The following FTO variants were observed in gnomAD, a reference collection of about 807,000 sequenced individuals.
The protein encoded by FTO is FTO alpha-ketoglutarate dependent dioxygenase, also known as alpha-ketoglutarate-dependent dioxygenase FTO.
In FTO, 47 loss-of-function variants were observed where a neutral mutation model predicts 63.9. The observed-to-expected ratio is 0.74, with a 90% confidence interval of 0.58 to 0.94. FTO has a LOEUF of 0.94. Ranked by LOEUF, FTO falls within the 40% of genes least tolerant of loss-of-function variation. The pLI is 0.00. For missense variants in FTO, 562 were observed against 618.1 expected, an observed-to-expected ratio of 0.91 and a Z score of 0.96; for synonymous variants, 207 against 224.4, an observed-to-expected ratio of 0.92 and a Z score of 0.69.
rs1285214588 is a variant in FTO at position 54,112,015 on chromosome 16, C to A, written c.*100C>A. 1.5e-6 allele frequency: 2 copies of A among 1,341,366 alleles called. No homozygotes were observed. Among genetic ancestry groups the A allele is most frequent in the Admixed American group, 1.7e-5 (1 of 59,242 alleles). 83.1% of individuals were successfully genotyped at this position (1,341,366 alleles called of 1,614,324 possible). A position where few individuals can be genotyped will look rare whatever the true frequency, so the allele number is the denominator to read the frequency against. On this transcript the variant is annotated 3_prime_UTR_variant, in exon 9 of 9. Transcript: ENST00000471389. ...AGAGCAGTGGAGACTTCTCTTGGCCCCTAGATTGTAGCACCCGGGTCCCAA... is the reference window on the plus strand; with the variant it reads ...AGAGCAGTGGAGACTTCTCTTGGCCACTAGATTGTAGCACCCGGGTCCCAA...
At chr16:54,103,997 T>A (rs2086693365) in intron 8 of FTO, among the ~76,000 whole-genome samples, 1 of 152,142 alleles carries the variant, frequency 6.6e-6, no homozygotes, top group African/African-American at 2.4e-5. Context: ...GGAAATCCCT[T>A]CAATTTGTAC....
At chr16:53,719,070 T>C (rs946493275) in intron 1 of FTO, among the ~76,000 whole-genome samples, 59 of 152,136 alleles carry the variant, frequency 3.9e-4, no homozygotes, top group African/African-American at 1.3e-3. Flanking sequence ...TGAATAAAAA[T>C]ATTGAGAAAC....
At chr16:53,915,534 C>T (rs762213012) in intron 7 of FTO, among the ~76,000 whole-genome samples, 1 of 152,126 alleles carries the variant, frequency 6.6e-6, no homozygotes, top group Non-Finnish European at 1.5e-5. Context: ...TTTTTCTGCT[C>T]CTTAAGAGTT....
upstream of FTO, chr16:53,704,151 A>T (rs772898670): frequency 1.8e-5 from 28 of 1,550,752 alleles, no homozygotes; most frequent in Non-Finnish European, 2.4e-5. Flanking sequence ...GGATCTACGC[A>T]GCTTGCGGTG....
chr16:53,758,376 G>A (rs923935633), intron 1 of FTO, among the ~76,000 whole-genome samples: 2 of 152,188 alleles, frequency 1.3e-5, no homozygotes, highest in Admixed American at 6.5e-5. Context: ...AGGCTGGAAG[G>A]AATAGAGGGC....
intron 3 of FTO, among the ~76,000 whole-genome samples, chr16:53,835,115 C>G (rs892825518): frequency 1.3e-5 from 2 of 152,196 alleles, no homozygotes; most frequent in Non-Finnish European, 2.9e-5. Flanking sequence ...CCCTTGCTAT[C>G]TACCACATCT....
At chr16:53,961,343 G>A (rs1380954577) in intron 8 of FTO, among the ~76,000 whole-genome samples, 1 of 152,268 alleles carries the variant, frequency 6.6e-6, no homozygotes, top group African/African-American at 2.4e-5. Flanking sequence ...AAAGCTAGTA[G>A]CAGCATGTCT....
chr16:54,070,165 C>T (rs138127556), intron 8 of FTO: 1 of 152,158 alleles, frequency 6.6e-6, no homozygotes, highest in East Asian at 1.9e-4. Context: ...TCAAACTAGA[C>T]TCATAATGAG....
intron 1 of FTO, among the ~76,000 whole-genome samples, chr16:53,764,793 C>T (rs2077159247): frequency 6.6e-6 from 1 of 151,922 alleles, no homozygotes; most frequent in African/African-American, 2.4e-5. Flanking sequence ...GATCTTGGTT[C>T]ACTGCAACCT....
rs752817421 is a variant in FTO, at chr16:53,704,194, A to C, written c.10A>C (p.Thr4Pro). The C allele has an allele frequency of 3.9e-6, 6 of 1,551,340 alleles. No homozygotes were observed. In the Admixed American group the frequency reaches 9.8e-5, roughly 25 times the overall value. MKR[T>P]PTAEEREREA... Reference sequence around the variant, plus strand: ...CGGCTTTAGTGGCAGCATGAAGCGCACCCCGACTGCCGAGGAACGAGAGCG... The same window carrying C: ...CGGCTTTAGTGGCAGCATGAAGCGCCCCCCGACTGCCGAGGAACGAGAGCG... Residue 4 changes from threonine (T) to proline (P), a missense_variant, in exon 1 of 9, where the codon ACC (threonine) becomes CCC (proline). Physicochemically the swap from Thr to Pro is conservative, Grantham distance 38 (BLOSUM62 -1). Transcript: ENST00000471389.
intron 1 of FTO, among the ~76,000 whole-genome samples, chr16:53,809,847 G>A (rs2151735376): frequency 6.6e-6 from 1 of 152,038 alleles, no homozygotes; most frequent in Middle Eastern, 3.4e-3. Context: ...AGGATGAGAT[G>A]GGAGGATCAC....
intron 8 of FTO, among the ~76,000 whole-genome samples, chr16:53,971,893 G>T (rs1215403701): frequency 2.0e-5 from 3 of 152,180 alleles, no homozygotes; most frequent in African/African-American, 7.2e-5. Flanking sequence ...CACAAATTTG[G>T]ATGATGATTG....
rs7185938 is a variant in FTO at position 54,028,178 on chromosome 16, G to T, written c.1365-83584G>T. On this transcript the variant is annotated intron_variant, in intron 8 of 8. Coordinates refer to ENST00000471389, the MANE Select transcript of FTO (RefSeq NM_001080432.3). ...TAGAGCTATCAGATTTGTCTAATCT[G>T]TCATTAGTTGACAGTCGCTGCAGGC... Among the ~76,000 whole-genome samples, 2 of 152,100 alleles carry T rather than the reference G, an allele frequency of 1.3e-5. 1 individual carries two copies. Among genetic ancestry groups the T allele is most frequent in the Admixed American group, 1.3e-4 (2 of 15,288 alleles).
intron 1 of FTO, among the ~76,000 whole-genome samples, chr16:53,794,315 A>G (rs2078003758): frequency 6.6e-6 from 1 of 152,228 alleles, no homozygotes; most frequent in African/African-American, 2.4e-5. Flanking sequence ...GGAATGGCAG[A>G]TATAATGCAT....
rs1447511317 is a variant in FTO, at chr16:54,120,676, A to G, written c.*8761A>G. Reference sequence around the variant, plus strand: ...AAGTATTGAATTTGGGAAGGCTGTGAACATTCTTGAGCCCCCCTCCCAAGT... The same window carrying G: ...AAGTATTGAATTTGGGAAGGCTGTGGACATTCTTGAGCCCCCCTCCCAAGT... On this transcript the variant is annotated 3_prime_UTR_variant, in exon 9 of 9. Transcript: ENST00000471389. The G allele has an allele frequency of 1.3e-5, 2 of 152,154 alleles. No individual in the cohort carries two copies. The highest frequency in any genetic ancestry group is 4.8e-5 in the African/African-American group (2 of 41,434). The allele number at this position is 152,154 out of a possible 1,614,324, so 9.4% of individuals were successfully genotyped here.
At chr16:53,879,385 G>A (rs559401521) in intron 5 of FTO, among the ~76,000 whole-genome samples, 4 of 152,226 alleles carry the variant, frequency 2.6e-5, no homozygotes, top group African/African-American at 4.8e-5. Context: ...TCTTGAGTTC[G>A]TGAGTATAGG....
chr16:53,766,184 A>G (rs913976422), intron 1 of FTO, among the ~76,000 whole-genome samples: 1 of 152,102 alleles, frequency 6.6e-6, no homozygotes, highest in Non-Finnish European at 1.5e-5. Context: ...ATCAAGGAAA[A>G]TTTCCAGGCT....
chr16:53,893,830 G>C (rs2081214137), intron 7 of FTO, among the ~76,000 whole-genome samples: 1 of 152,152 alleles, frequency 6.6e-6, no homozygotes, highest in Admixed American at 6.5e-5. Context: ...TGATGGTTTT[G>C]AATGTTTTGA....
intron 8 of FTO, among the ~76,000 whole-genome samples, chr16:54,105,700 C>T (rs1303093301): frequency 6.6e-6 from 1 of 151,988 alleles, no homozygotes; most frequent in Non-Finnish European, 1.5e-5. Context: ...GAAGAATTCC[C>T]TCTTAGGAGT....
Sources: allele counts gnomAD v4.1 joint callset (sites outside exome capture counted in the v4.1 genomes callset), GRCh38; gene constraint gnomAD v4.1.1; transcripts MANE v1.5; gene names NCBI Gene and HGNC (gene_info 2026-07-23, HGNC 2026-07-21).